Variants in TRIM71 observed in about 807,000 individuals in gnomAD.
The protein encoded by TRIM71 is tripartite motif containing 71.
TRIM71 carries 9 observed loss-of-function variants against 61.2 expected under a neutral mutation model. The observed-to-expected ratio is 0.15, with a 90% CI of 0.09 to 0.26. The LOEUF is 0.26. Ranked by LOEUF, TRIM71 falls within the 10% of genes least tolerant of loss-of-function variation. The pLI is 1.00. For missense variants in TRIM71, 998 were observed against 1,238.7 expected (o/e 0.81, Z 2.92); for synonymous variants, 645 against 553.2 (o/e 1.17, Z -2.33).
At position 32,894,070 on chromosome 3, in the gene TRIM71, C is replaced by CT. The variant is rs1259206601; in HGVS notation, c.*2260dup. 6.6e-5 allele frequency: 10 copies of CT among 152,164 alleles called. No individual in the cohort carries two copies. The highest frequency in any genetic ancestry group is 2.2e-4 in the African/African-American group (9 of 41,450). 9.4% of individuals were successfully genotyped at this position (152,164 alleles called of 1,614,324 possible). A position where few individuals can be genotyped will look rare whatever the true frequency, so the allele number is the denominator to read the frequency against. On this transcript the variant is annotated 3_prime_UTR_variant, in exon 4 of 4. Coordinates refer to ENST00000383763, the MANE Select transcript of TRIM71 (RefSeq NM_001039111.3). ...TCAGTTGCCTTTTGGCCGTTAAGCT[C>CT]TAAGTTCTTTGGTAAAGAGTTAATA...
At chr3:32,867,673 A>G (rs1696753384) in intron 1 of TRIM71, among the ~76,000 whole-genome samples, 1 of 152,134 alleles carries the variant, frequency 6.6e-6, no homozygotes, top group African/African-American at 2.4e-5. Context: ...TGCATTGTAG[A>G]GTATGTATAT....
chr3:32,818,207 GGGGGCGGCGGCGGGGGCCCT>G lies in TRIM71; in HGVS notation c.140_159del (p.Gly47AlafsTer64). ...CTCCTCGCAGACGTCCACGTCGTCGGGGGGCGGCGGCGGGGGCCCTGGGGCGGCGGCGCGCCGCCTACACG... is the reference window on the plus strand; with the variant it reads ...CTCCTCGCAGACGTCCACGTCGTCGGGGGGCGGCGGCGCGCCGCCTACACG... On this transcript the variant is annotated frameshift_variant, in exon 1 of 4. Transcript: ENST00000383763. LOFTEE classifies it high-confidence loss of function. 1.3e-6 allele frequency: 2 copies of G among 1,562,504 alleles called. No individual in the cohort carries two copies. Among genetic ancestry groups the G allele is most frequent in the Non-Finnish European group, 1.7e-6 (2 of 1,159,672 alleles).
intron 1 of TRIM71, among the ~76,000 whole-genome samples, chr3:32,820,860 G>A (rs1696119290): frequency 6.6e-6 from 1 of 152,234 alleles, no homozygotes; most frequent in African/African-American, 2.4e-5. Context: ...ATGTCAGGTT[G>A]AAGTAACTAA....
At chr3:32,871,494 C>T (rs1002075807) in intron 1 of TRIM71, among the ~76,000 whole-genome samples, 1 of 152,126 alleles carries the variant, frequency 6.6e-6, no homozygotes, top group Admixed American at 6.5e-5. Context: ...CACTTCACAT[C>T]AGCATAGGAG....
intron 1 of TRIM71, among the ~76,000 whole-genome samples, chr3:32,830,420 A>C (rs1281811943): frequency 1.3e-5 from 2 of 152,124 alleles, no homozygotes; most frequent in Non-Finnish European, 2.9e-5. Flanking sequence ...GCAAGGGAGA[A>C]AGCTTTGAGT....
chr3:32,890,276 T>G lies in TRIM71; in HGVS notation c.1156-84T>G. 6.7e-7 allele frequency: 1 copy of G among 1,489,322 alleles called. No individual in the cohort carries two copies. Among genetic ancestry groups the G allele is most frequent in the Non-Finnish European group, 9.0e-7 (1 of 1,105,054 alleles). The allele number at this position is 1,489,322 out of a possible 1,614,324, so 92.3% of individuals were successfully genotyped here. A position where few individuals can be genotyped will look rare whatever the true frequency, so the allele number is the denominator to read the frequency against. ...AATATGTGTTTGTCTGATGCTTCCT[T>G]GTGATTAGTTGTGGCTTATGTGGTA... On this transcript the variant is annotated intron_variant, in intron 3 of 3. Transcript: ENST00000383763. This position sits in a 1 kb window ranked among gnomAD's most constrained non-coding sequence, Gnocchi z 6.2.
intron 2 of TRIM71, among the ~76,000 whole-genome samples, chr3:32,874,623 C>T (rs1338119813): frequency 1.3e-5 from 2 of 151,498 alleles, no homozygotes; most frequent in South Asian, 2.1e-4. Flanking sequence ...CCCAGGTTCA[C>T]GCCATTCTCC....
chr3:32,843,763 T>G (rs1204192448), intron 1 of TRIM71, among the ~76,000 whole-genome samples: 1 of 152,184 alleles, frequency 6.6e-6, no homozygotes, highest in Non-Finnish European at 1.5e-5. Flanking sequence ...CCAAGGGCCA[T>G]TAGCTGAGGG....
At position 32,894,009 on chromosome 3, in the gene TRIM71, G is replaced by A. The variant is rs1174427769; in HGVS notation, c.*2198G>A. 6.6e-6 allele frequency: 1 copy of A among 152,162 alleles called. No individual in the cohort carries two copies. The highest frequency in any genetic ancestry group is 1.5e-5 in the Non-Finnish European group (1 of 68,022). 9.4% of individuals were successfully genotyped at this position (152,162 alleles called of 1,614,324 possible). On this transcript the variant is annotated 3_prime_UTR_variant, in exon 4 of 4. Coordinates refer to ENST00000383763, the MANE Select transcript of TRIM71 (RefSeq NM_001039111.3). Reference sequence around the variant, plus strand: ...TTGTTTGTTAGAAGCTCCTTTTACTGTAGAATTTAATAGTGAATCCTTCCC... The same window carrying A: ...TTGTTTGTTAGAAGCTCCTTTTACTATAGAATTTAATAGTGAATCCTTCCC...
rs905229560 is a variant in TRIM71 at position 32,892,616 on chromosome 3, G to T, written c.*805G>T. ...TTCAAAGCCATCTTGCACCCAAGTAGTAAAGCTGAAAATGACACACTGCCT... is the reference window on the plus strand; with the variant it reads ...TTCAAAGCCATCTTGCACCCAAGTATTAAAGCTGAAAATGACACACTGCCT... On this transcript the variant is annotated 3_prime_UTR_variant, in exon 4 of 4. Transcript: ENST00000383763. 2.0e-5 allele frequency: 3 copies of T among 152,178 alleles called. No homozygotes were observed. The highest frequency in any genetic ancestry group is 4.8e-5 in the African/African-American group (2 of 41,446). The allele number at this position is 152,178 out of a possible 1,614,324, so 9.4% of individuals were successfully genotyped here. A position where few individuals can be genotyped will look rare whatever the true frequency, so the allele number is the denominator to read the frequency against.
intron 1 of TRIM71, among the ~76,000 whole-genome samples, chr3:32,826,361 G>T (rs770805815): frequency 6.6e-6 from 1 of 152,076 alleles, no homozygotes; most frequent in East Asian, 1.9e-4. Flanking sequence ...TCACTTGAGC[G>T]TGGGAGGCGG....
intron 1 of TRIM71, among the ~76,000 whole-genome samples, chr3:32,829,625 A>AG (rs1696244708): frequency 1.3e-5 from 1 of 75,502 alleles, no homozygotes; most frequent in Non-Finnish European, 3.3e-5. Flanking sequence ...ATGTCATGGT[A>AG]TTGTGTGTGT....
intron 1 of TRIM71, among the ~76,000 whole-genome samples, chr3:32,872,725 T>C (rs1696809450): frequency 6.6e-6 from 1 of 152,216 alleles, no homozygotes; most frequent in South Asian, 2.1e-4. Context: ...AGAAGGCTCA[T>C]GCTGGCTTCC....
chr3:32,835,295 A>G (rs1177854067), intron 1 of TRIM71, among the ~76,000 whole-genome samples: 1 of 152,190 alleles, frequency 6.6e-6, no homozygotes, highest in African/African-American at 2.4e-5. Flanking sequence ...TCAGCAGGTT[A>G]AGAAACATTC....
intron 1 of TRIM71, among the ~76,000 whole-genome samples, chr3:32,859,732 T>G (rs1696644445): frequency 6.6e-6 from 1 of 152,154 alleles, no homozygotes; most frequent in African/African-American, 2.4e-5. Context: ...CTTCACTTGG[T>G]CTTTGCTTAC....
chr3:32,835,175 G>A (rs534372723), intron 1 of TRIM71, among the ~76,000 whole-genome samples: 2 of 152,326 alleles, frequency 1.3e-5, no homozygotes, highest in South Asian at 4.1e-4. Context: ...GCTCTGCTGG[G>A]TTCCCGTTAT....
chr3:32,831,126 C>T (rs531899436), intron 1 of TRIM71, among the ~76,000 whole-genome samples: 38 of 152,134 alleles, frequency 2.5e-4, no homozygotes, highest in African/African-American at 9.2e-4. Context: ...TGGATTTTTC[C>T]CCACGTTATA....
At chr3:32,876,078 T>C (rs927515236) in intron 2 of TRIM71, among the ~76,000 whole-genome samples, 3 of 152,214 alleles carry the variant, frequency 2.0e-5, no homozygotes, top group South Asian at 2.1e-4. Flanking sequence ...TAAAATGCCT[T>C]GAGTGTCTCT....
chr3:32,869,626 C>T (rs890137277), intron 1 of TRIM71, among the ~76,000 whole-genome samples: 9 of 152,224 alleles, frequency 5.9e-5, no homozygotes, highest in African/African-American at 2.2e-4. Flanking sequence ...AACATGCCTA[C>T]TTTGTATTTT....
Sources: gnomAD v4.1 joint callset for allele counts (sites outside exome capture counted in the v4.1 genomes callset) on GRCh38, gnomAD v4.1.1 for gene constraint, Gnocchi (gnomAD v3.1) non-coding constraint, MANE v1.5 for transcripts, NCBI Gene and HGNC (gene_info 2026-07-23, HGNC 2026-07-21) for gene names.